TNFAIP8: variants seen among roughly 807,000 people sequenced by gnomAD.
The protein encoded by TNFAIP8 is tumor necrosis factor alpha-induced protein 8.
Under a neutral mutation model 13.3 loss-of-function variants are expected in TNFAIP8, and 7 were observed. That is an observed-to-expected ratio of 0.52 (90% CI 0.30 to 0.99). The LOEUF is 0.99. Ranked by LOEUF, TNFAIP8 falls within the 50% of genes least tolerant of loss-of-function variation. The probability of loss-of-function intolerance (pLI) is 0.07; values close to 1 mark genes in which losing one functional copy is unlikely to be tolerated. For synonymous variants in TNFAIP8, 94 were observed against 87.6 expected (o/e 1.07, Z -0.41); for missense variants, 258 against 236.9 (o/e 1.09, Z -0.58).
intron 1 of TNFAIP8, among the ~76,000 whole-genome samples, chr5:119,329,840 G>C (rs2112703975): frequency 6.6e-6 from 1 of 151,792 alleles, no homozygotes; most frequent in East Asian, 2.0e-4. Context: ...GTCCAGACAA[G>C]GTTTGGGGAA....
At chr5:119,326,130 A>G (rs574749598) in intron 1 of TNFAIP8, among the ~76,000 whole-genome samples, 2 of 152,168 alleles carry the variant, frequency 1.3e-5, no homozygotes, top group East Asian at 1.9e-4. Flanking sequence ...AGTAGGTACT[A>G]GGTAAATGCA....
intron 1 of TNFAIP8, among the ~76,000 whole-genome samples, chr5:119,350,296 A>G (rs572067057): frequency 6.6e-6 from 1 of 152,354 alleles, no homozygotes; most frequent in East Asian, 1.9e-4. Context: ...AGTGCTATGT[A>G]GCCATTGTAT....
rs1485063142 is a variant in TNFAIP8, at chr5:119,399,264, G to A, written c.*5883G>A. On this transcript the variant is annotated 3_prime_UTR_variant, in exon 2 of 2. Transcript: ENST00000504771. ...GATGGAACCCAGCAGGGTACAGAGG[G>A]CATTTGTGGGAGCAGTTAGGAAACC... 6.6e-6 allele frequency: 1 copy of A among 152,186 alleles called. No individual in the cohort carries two copies. The highest frequency in any genetic ancestry group is 1.5e-5 in the Non-Finnish European group (1 of 68,048). 9.4% of individuals were successfully genotyped at this position (152,186 alleles called of 1,614,324 possible). A position where few individuals can be genotyped will look rare whatever the true frequency, so the allele number is the denominator to read the frequency against.
chr5:119,316,154 T>C (rs1221525544), intron 1 of TNFAIP8: 1 of 144,540 alleles, frequency 6.9e-6, no homozygotes, highest in African/African-American at 2.6e-5. Flanking sequence ...TTTCTAGTTC[T>C]TCCACTTTTT....
Position 119,310,107 on chromosome 5 carries a change from A to C in TNFAIP8, c.1+41200A>C, listed in dbSNP as rs555302260. Among the ~76,000 whole-genome samples, 330 of 152,274 alleles carry C rather than the reference A, an allele frequency of 2.2e-3. 3 individuals are homozygous for C. Among genetic ancestry groups the C allele is most frequent in the African/African-American group, 7.3e-3 (305 of 41,550 alleles). ...TTATGGGGAGAGGTTTTCTTCCCCA[A>C]GGAGATGGTTTTTAGAGCTGTGGAA... On this transcript the variant is annotated intron_variant, in intron 1 of 1. Transcript: ENST00000274456.
At chr5:119,326,064 A>C (rs1242927371) in intron 1 of TNFAIP8, among the ~76,000 whole-genome samples, 1 of 152,210 alleles carries the variant, frequency 6.6e-6, no homozygotes, top group Non-Finnish European at 1.5e-5. Context: ...TAACACAGGC[A>C]ACCCCTTATG....
chr5:119,292,679 TATATATACACACACACAC>T (rs1561985995), intron 1 of TNFAIP8, among the ~76,000 whole-genome samples: 1 of 38,474 alleles, frequency 2.6e-5, no homozygotes, highest in South Asian at 8.8e-4. Flanking sequence ...TATATATATA[TATATATACACACACACAC>T]AATGAAATAC....
intron 1 of TNFAIP8, among the ~76,000 whole-genome samples, chr5:119,358,882 C>T (rs754457545): frequency 5.9e-5 from 9 of 152,146 alleles, no homozygotes; most frequent in Non-Finnish European, 1.0e-4. Flanking sequence ...CGAGGTGTCA[C>T]TTTGTGGGGA....
chr5:119,352,697 C>T (rs1751214438), upstream of TNFAIP8, among the ~76,000 whole-genome samples: 1 of 152,114 alleles, frequency 6.6e-6, no homozygotes, highest in Non-Finnish European at 1.5e-5. Context: ...GCCTAAAAGT[C>T]AGGCCTTTAA....
In TNFAIP8 at chr5:119,393,632, A is replaced by G. The variant is rs1045242; in HGVS notation, c.*251A>G. ...GGAGAGATATGTGGTTGGGTAATGC[A>G]AATGTAGTTATACAAAGAAAAATAC... On this transcript the variant is annotated 3_prime_UTR_variant, in exon 2 of 2. Coordinates refer to ENST00000504771, the MANE Select transcript of TNFAIP8 (RefSeq NM_014350.4). 0.28 allele frequency: 123,755 copies of G among 447,572 alleles called. 18,043 individuals carry two copies. Among genetic ancestry groups the G allele is most frequent in the African/African-American group, 0.39 (19,982 of 50,952 alleles). The allele number at this position is 447,572 out of a possible 1,614,324, so 27.7% of individuals were successfully genotyped here.
chr5:119,297,965 C>T lies in TNFAIP8; in HGVS notation c.1+29058C>T, dbSNP rs377667297. On this transcript the variant is annotated intron_variant, in intron 1 of 1. Coordinates refer to the TNFAIP8 transcript ENST00000274456. ...TTTGTTTTCCATTTGCTTGGTAGATCTTCCTCCATCCTTTTATTTTGAGCC... is the reference window on the plus strand; with the variant it reads ...TTTGTTTTCCATTTGCTTGGTAGATTTTCCTCCATCCTTTTATTTTGAGCC... 9.0e-3 allele frequency among the ~76,000 whole-genome samples: 1,290 copies of T among 142,722 alleles called. 20 individuals are homozygous for T. The highest frequency in any genetic ancestry group is 0.052 in the South Asian group (239 of 4,634). 93.6% of individuals were successfully genotyped at this position (142,722 alleles called of 152,430 possible). A position where few individuals can be genotyped will look rare whatever the true frequency, so the allele number is the denominator to read the frequency against.
chr5:119,323,494 G>T (rs542369982), intron 1 of TNFAIP8, among the ~76,000 whole-genome samples: 1 of 152,254 alleles, frequency 6.6e-6, no homozygotes, highest in Non-Finnish European at 1.5e-5. Context: ...AAGGTAGGAA[G>T]GCAGTGGTCC....
intron 1 of TNFAIP8, among the ~76,000 whole-genome samples, chr5:119,345,475 G>A (rs994565906): frequency 7.2e-5 from 11 of 152,180 alleles, no homozygotes; most frequent in Admixed American, 3.9e-4. Context: ...ACAGAAGGAT[G>A]TATAAACAAA....
intron 1 of TNFAIP8, among the ~76,000 whole-genome samples, chr5:119,311,967 A>C (rs936065590): frequency 6.6e-6 from 1 of 152,170 alleles, no homozygotes; most frequent in Admixed American, 6.5e-5. Flanking sequence ...CAGTACTACC[A>C]CAGGATGGAC....
chr5:119,275,577 C>T (rs1748416963), intron 1 of TNFAIP8, among the ~76,000 whole-genome samples: 1 of 149,178 alleles, frequency 6.7e-6, no homozygotes. Context: ...TCAGAGTGTC[C>T]CTCTCATTTT....
At chr5:119,305,661 A>G (rs533346515) in intron 1 of TNFAIP8, among the ~76,000 whole-genome samples, 1 of 152,178 alleles carries the variant, frequency 6.6e-6, no homozygotes, top group East Asian at 1.9e-4. Flanking sequence ...CATTGCCTCA[A>G]ATCTACTTTT....
chr5:119,339,020 C>A (rs974439735), intron 1 of TNFAIP8, among the ~76,000 whole-genome samples: 1 of 151,600 alleles, frequency 6.6e-6, no homozygotes, highest in Admixed American at 6.6e-5. Flanking sequence ...GCACTTCAGC[C>A]TGGAAATAGA....
intron 1 of TNFAIP8, among the ~76,000 whole-genome samples, chr5:119,279,698 C>T (rs1748570914): frequency 6.6e-6 from 1 of 152,216 alleles, no homozygotes; most frequent in African/African-American, 2.4e-5. Context: ...TCTCTCGCCT[C>T]AACCTTTTGT....
intron 1 of TNFAIP8, among the ~76,000 whole-genome samples, chr5:119,313,260 T>C (rs561648177): frequency 1.3e-5 from 2 of 152,358 alleles, no homozygotes; most frequent in African/African-American, 2.4e-5. Context: ...AAAATTCTTC[T>C]GCTTATTTTA....
Sources: allele counts gnomAD v4.1 joint callset (sites outside exome capture counted in the v4.1 genomes callset), GRCh38; gene constraint gnomAD v4.1.1; transcripts MANE v1.5; gene names NCBI Gene and HGNC (gene_info 2026-07-23, HGNC 2026-07-21).